The following TSHR variants were observed in gnomAD, a reference collection of about 807,000 sequenced individuals.
TSHR encodes thyroid stimulating hormone receptor.
TSHR carries 51 observed loss-of-function variants against 64.1 expected under a neutral mutation model. The observed-to-expected ratio is 0.80, with a 90% confidence interval of 0.64 to 1.01. The LOEUF (loss-of-function observed/expected upper bound fraction) is 1.01. Among genes scored for constraint, TSHR ranks in the 50% least tolerant of loss-of-function variants. The pLI is 0.00. For missense variants in TSHR, 877 were observed against 942.8 expected (o/e 0.93, Z 0.91); for synonymous variants, 361 against 361.9 (o/e 1.00, Z 0.03).
intron 1 of TSHR, chr14:81,014,361 C>G (rs988407515): frequency 1.3e-5 from 2 of 152,152 alleles, no homozygotes; most frequent in Non-Finnish European, 2.9e-5. Flanking sequence ...AAATAACAGT[C>G]TTTCTGTTGG....
chr14:81,023,732 T>G (rs1883896102), intron 1 of TSHR, among the ~76,000 whole-genome samples: 1 of 152,146 alleles, frequency 6.6e-6, no homozygotes, highest in Non-Finnish European at 1.5e-5. Context: ...GCAGGTGGTG[T>G]TTAACTTTTC....
intron 1 of TSHR, among the ~76,000 whole-genome samples, chr14:80,990,098 C>T (rs926026606): frequency 1.3e-5 from 2 of 152,174 alleles, no homozygotes; most frequent in African/African-American, 4.8e-5. Context: ...GAACATTTAA[C>T]GTACTGGTTA....
At chr14:81,047,748 G>A (rs1005316168) in intron 1 of TSHR, among the ~76,000 whole-genome samples, 1 of 147,540 alleles carries the variant, frequency 6.8e-6, no homozygotes, top group Non-Finnish European at 1.5e-5. Flanking sequence ...TGCAAGCTCT[G>A]CCATTCTCCT....
chr14:81,023,309 A>G lies in TSHR; in HGVS notation c.171-38839A>G, dbSNP rs1594964583. Reference sequence around the variant, plus strand: ...GCCTACTGGCTTGAGATAAGGGGAAAGACCCACCCCCATGATTCAATTACC... The same window carrying G: ...GCCTACTGGCTTGAGATAAGGGGAAGGACCCACCCCCATGATTCAATTACC... On this transcript the variant is annotated intron_variant, in intron 1 of 9. Coordinates refer to ENST00000298171, the MANE Select transcript of TSHR (RefSeq NM_000369.5). Among the ~76,000 whole-genome samples, 5 of 152,098 alleles carry G rather than the reference A, an allele frequency of 3.3e-5. No homozygotes were observed. The South Asian group carries it at 8.3e-4, about 25-fold the overall frequency.
intron 1 of TSHR, among the ~76,000 whole-genome samples, chr14:80,987,118 GA>G (rs778277774): frequency 2.0e-5 from 3 of 152,004 alleles, no homozygotes; most frequent in Admixed American, 6.5e-5. Context: ...TAAAAACAAA[GA>G]AAAAAAGGAA....
At chr14:81,084,541 G>A (rs1888144393) in intron 3 of TSHR, among the ~76,000 whole-genome samples, 1 of 152,176 alleles carries the variant, frequency 6.6e-6, no homozygotes. Flanking sequence ...ACAGCCCTTA[G>A]TGAGTGAGGT....
At chr14:81,045,807 G>A (rs888377200) in intron 1 of TSHR, among the ~76,000 whole-genome samples, 2 of 152,080 alleles carry the variant, frequency 1.3e-5, no homozygotes, top group Admixed American at 6.6e-5. Flanking sequence ...AGTATTTACT[G>A]TAAAATATAA....
chr14:81,039,937 A>T (rs1359094701), intron 1 of TSHR, among the ~76,000 whole-genome samples: 1 of 152,090 alleles, frequency 6.6e-6, no homozygotes, highest in Non-Finnish European at 1.5e-5. Context: ...CAAAATTCCA[A>T]TGACAGTTTT....
chr14:81,002,391 C>G (rs1454219722), intron 1 of TSHR, among the ~76,000 whole-genome samples: 1 of 152,106 alleles, frequency 6.6e-6, no homozygotes, highest in Non-Finnish European at 1.5e-5. Flanking sequence ...GTTTACTTAA[C>G]CCGTCTGTGC....
chr14:81,121,619 A>C (rs2140065541), intron 8 of TSHR, among the ~76,000 whole-genome samples: 1 of 152,256 alleles, frequency 6.6e-6, no homozygotes, highest in South Asian at 2.1e-4. Context: ...CTGAAGAATG[A>C]AGACTCCAAG....
chr14:81,057,261 A>G (rs2139881754), intron 1 of TSHR, among the ~76,000 whole-genome samples: 1 of 152,192 alleles, frequency 6.6e-6, no homozygotes, highest in South Asian at 2.1e-4. Context: ...AAAAACAAAA[A>G]TTAGCTGGGT....
At chr14:80,983,798 C>G (rs761504850) in intron 1 of TSHR, among the ~76,000 whole-genome samples, 38 of 152,184 alleles carry the variant, frequency 2.5e-4, no homozygotes, top group Non-Finnish European at 4.3e-4. Context: ...TTGAGCTAAA[C>G]TATTTTGGGG....
At chr14:80,967,546 A>T (rs1887384272) in intron 1 of TSHR, among the ~76,000 whole-genome samples, 1 of 152,084 alleles carries the variant, frequency 6.6e-6, no homozygotes, top group Admixed American at 6.6e-5. Flanking sequence ...CGGCCTCCCA[A>T]AATGCTGGGA....
In TSHR at chr14:81,030,437, C is replaced by T. The variant is rs191859986; in HGVS notation, c.171-31711C>T. On this transcript the variant is annotated intron_variant, in intron 1 of 9. Coordinates refer to ENST00000298171, the MANE Select transcript of TSHR (RefSeq NM_000369.5). ...TTTTCTTTAAAAATCTGAAGTTTGG[C>T]CTTGAATTTTAAAGGAAATTCTGCT... 1.2e-4 allele frequency among the ~76,000 whole-genome samples: 19 copies of T among 152,060 alleles called. 1 individual carries two copies. The highest frequency in any genetic ancestry group is 2.8e-4 in the Non-Finnish European group (19 of 67,980).
chr14:81,068,776 T>C (rs1886845709), intron 3 of TSHR, among the ~76,000 whole-genome samples: 1 of 152,192 alleles, frequency 6.6e-6, no homozygotes, highest in South Asian at 2.1e-4. Context: ...CAGAGTTGGA[T>C]TTGAACACCG....
At chr14:80,960,554 T>A (rs928262023) in intron 1 of TSHR, among the ~76,000 whole-genome samples, 1 of 152,170 alleles carries the variant, frequency 6.6e-6, no homozygotes, top group Admixed American at 6.5e-5. Flanking sequence ...TCACTTGGAA[T>A]GAACATAATA....
intron 1 of TSHR, among the ~76,000 whole-genome samples, chr14:81,046,386 T>C (rs1049523197): frequency 6.6e-6 from 1 of 151,666 alleles, no homozygotes; most frequent in Non-Finnish European, 1.5e-5. Flanking sequence ...GTTAAAAATA[T>C]ATAAAATGAA....
At chr14:81,088,562 A>G (rs1888465790) in intron 4 of TSHR, among the ~76,000 whole-genome samples, 1 of 152,190 alleles carries the variant, frequency 6.6e-6, no homozygotes, top group African/African-American at 2.4e-5. Flanking sequence ...AGGGACCACA[A>G]CATTTTTTTT....
At chr14:81,039,871 A>G (rs1026916177) in intron 1 of TSHR, among the ~76,000 whole-genome samples, 8 of 151,966 alleles carry the variant, frequency 5.3e-5, no homozygotes, top group Non-Finnish European at 1.0e-4. Flanking sequence ...AGAAAAATTA[A>G]TATTAAAATG....
Sources: allele counts gnomAD v4.1 joint callset (sites outside exome capture counted in the v4.1 genomes callset), GRCh38; gene constraint gnomAD v4.1.1; transcripts MANE v1.5; gene names NCBI Gene and HGNC (gene_info 2026-07-23, HGNC 2026-07-21).